IL1RAPL1: variants seen among roughly 807,000 people sequenced by gnomAD.
The protein encoded by IL1RAPL1 is interleukin-1 receptor accessory protein-like 1.
In IL1RAPL1, 3 loss-of-function variants were observed where a neutral mutation model predicts 48.4. That is an observed-to-expected ratio of 0.06 (90% CI 0.03 to 0.16). The LOEUF (loss-of-function observed/expected upper bound fraction) is 0.16, where lower values mean the gene tolerates loss of function less well. Among genes scored for constraint, IL1RAPL1 ranks in the 10% least tolerant of loss-of-function variants. The pLI is 1.00. For synonymous variants in IL1RAPL1, 185 were observed against 187.7 expected (o/e 0.99, Z 0.12); for missense variants, 349 against 530.6 (o/e 0.66, Z 3.36).
At chrX:29,165,686 A>C (rs185658430) in intron 2 of IL1RAPL1, among the ~76,000 whole-genome samples, 72 of 111,847 alleles carry the variant, frequency 6.4e-4, no homozygotes, top group Middle Eastern at 9.2e-3. Flanking sequence ...AAATCTCCCA[A>C]ATCCCTAGGA....
At chrX:28,784,290 A>T (rs1936452220) in intron 1 of IL1RAPL1, among the ~76,000 whole-genome samples, 1 of 112,220 alleles carries the variant, frequency 8.9e-6, no homozygotes, top group African/African-American at 3.2e-5. Context: ...TTTTGATTAG[A>T]GTGAAAAATG....
At position 29,135,923 on chromosome X, in the gene IL1RAPL1, GA is replaced by G. The variant is rs1323561892; in HGVS notation, c.83-147014del. ...GGCTAATTTTTGTATTTTTAGTAGA[GA>G]TGGGGTTTCGCCATGTTGGCCAGGC... On this transcript the variant is annotated intron_variant, in intron 2 of 10. Coordinates refer to ENST00000378993, the MANE Select transcript of IL1RAPL1 (RefSeq NM_014271.4). Among the ~76,000 whole-genome samples, 180 of 110,280 alleles carry G rather than the reference GA, an allele frequency of 1.6e-3. 1 individual carries two copies. Among genetic ancestry groups the G allele is most frequent in the African/African-American group, 5.5e-3 (168 of 30,324 alleles).
chrX:29,303,631 A>G (rs945111962), intron 3 of IL1RAPL1, among the ~76,000 whole-genome samples: 5 of 111,931 alleles, frequency 4.5e-5, no homozygotes, highest in African/African-American at 6.5e-5. Context: ...GAAGCTTTGC[A>G]TATGTTACGT....
At chrX:29,719,080 C>T (rs767602347) in intron 6 of IL1RAPL1, among the ~76,000 whole-genome samples, 1 of 111,632 alleles carries the variant, frequency 9.0e-6, no homozygotes, top group East Asian at 2.8e-4. Context: ...GTGACTTTTC[C>T]GGTTAATAAT....
chrX:29,801,017 A>AC lies in IL1RAPL1; in HGVS notation c.779-116447_779-116446insC, dbSNP rs1206754518. On this transcript the variant is annotated intron_variant, in intron 6 of 10. Transcript: ENST00000378993. ...CTCCGTCTCAAAAAAAAAAAAAAAA[A>AC]AAAAAAAAAAAAAAAAACTCTCCGT... 1.8e-4 allele frequency among the ~76,000 whole-genome samples: 13 copies of AC among 71,319 alleles called. 1 individual carries two copies. Among genetic ancestry groups the AC allele is most frequent in the South Asian group, 8.6e-4 (1 of 1,166 alleles). The allele number at this position is 71,319 out of a possible 115,157, so 61.9% of individuals were successfully genotyped here. A position where few individuals can be genotyped will look rare whatever the true frequency, so the allele number is the denominator to read the frequency against.
At chrX:28,625,737 CGTGTGTGTGTGT>C (rs112613600) in intron 1 of IL1RAPL1, among the ~76,000 whole-genome samples, 1 of 99,292 alleles carries the variant, frequency 1.0e-5, no homozygotes. Context: ...AATCAAAATG[CGTGTGTGTGTGT>C]GTGTGTGTGT....
intron 5 of IL1RAPL1, among the ~76,000 whole-genome samples, chrX:29,554,632 ACT>A (rs1921930731): frequency 9.0e-6 from 1 of 110,902 alleles, no homozygotes; most frequent in Non-Finnish European, 1.9e-5. Flanking sequence ...TTCTTCATTC[ACT>A]CTCTTAGCAT....
intron 2 of IL1RAPL1, among the ~76,000 whole-genome samples, chrX:29,129,547 T>A (rs1490125852): frequency 9.1e-6 from 1 of 109,822 alleles, no homozygotes; most frequent in African/African-American, 3.3e-5. Context: ...TTAACTTTTC[T>A]AAATTAATGT....
chrX:29,902,017 G>A (rs775519888), intron 6 of IL1RAPL1, among the ~76,000 whole-genome samples: 6 of 111,988 alleles, frequency 5.4e-5, no homozygotes, highest in Non-Finnish European at 9.4e-5. Context: ...AGCAAATCAC[G>A]AGGTACTTCT....
intron 6 of IL1RAPL1, among the ~76,000 whole-genome samples, chrX:29,738,450 CT>C (rs59952038): frequency 0.078 from 6,736 of 85,921 alleles, 535 homozygotes; most frequent in African/African-American, 0.25. Flanking sequence ...CTTTTCTTTT[CT>C]TTTTTTTTTT....
chrX:29,273,016 G>A (rs1375220665), intron 2 of IL1RAPL1, among the ~76,000 whole-genome samples: 1 of 111,457 alleles, frequency 9.0e-6, no homozygotes, highest in Non-Finnish European at 1.9e-5. Flanking sequence ...TGTCTATTTT[G>A]CCTTCCAGCT....
chrX:29,640,074 GCT>G (rs934211947), intron 5 of IL1RAPL1, among the ~76,000 whole-genome samples: 2 of 112,023 alleles, frequency 1.8e-5, no homozygotes, highest in Admixed American at 1.9e-4. Flanking sequence ...TTGGTGTCAT[GCT>G]ACAAGATAAC....
At chrX:29,385,618 A>G (rs1321463795) in intron 3 of IL1RAPL1, among the ~76,000 whole-genome samples, 1 of 112,460 alleles carries the variant, frequency 8.9e-6, no homozygotes, top group African/African-American at 3.2e-5. Flanking sequence ...TCCTTTTGTG[A>G]CTGACTGATT....
intron 6 of IL1RAPL1, among the ~76,000 whole-genome samples, chrX:29,872,408 G>A (rs914370670): frequency 4.5e-5 from 5 of 111,781 alleles, no homozygotes; most frequent in Non-Finnish European, 9.4e-5. Context: ...AGCTGAATCA[G>A]ACAATTACTC....
chrX:29,861,870 T>TG (rs1351021474), intron 6 of IL1RAPL1, among the ~76,000 whole-genome samples: 1 of 110,932 alleles, frequency 9.0e-6, no homozygotes, highest in Admixed American at 9.6e-5. Flanking sequence ...TGTTCAGTCT[T>TG]GGTCCAATAA....
intron 2 of IL1RAPL1, among the ~76,000 whole-genome samples, chrX:29,028,593 C>T (rs1264472336): frequency 9.0e-6 from 1 of 111,173 alleles, no homozygotes; most frequent in Non-Finnish European, 1.9e-5. Context: ...GCCTTTGTGC[C>T]CTACTTCTAT....
intron 2 of IL1RAPL1, among the ~76,000 whole-genome samples, chrX:28,853,515 T>A (rs1921726772): frequency 9.1e-6 from 1 of 110,014 alleles, no homozygotes; most frequent in African/African-American, 3.3e-5. Context: ...ACACACACTC[T>A]CACTCATGCT....
intron 2 of IL1RAPL1, among the ~76,000 whole-genome samples, chrX:29,081,707 A>G (rs1569233084): frequency 1.8e-5 from 2 of 111,529 alleles, no homozygotes; most frequent in African/African-American, 6.5e-5. Flanking sequence ...GAGAATGTAC[A>G]AGAGTGCGGC....
At chrX:29,772,882 TC>T (rs2147152222) in intron 6 of IL1RAPL1, among the ~76,000 whole-genome samples, 1 of 111,503 alleles carries the variant, frequency 9.0e-6, no homozygotes, top group South Asian at 3.8e-4. Flanking sequence ...TCCTCAGGAA[TC>T]CCTTTAAAGG....
Sources: gnomAD v4.1 joint callset for allele counts (sites outside exome capture counted in the v4.1 genomes callset) on GRCh38, gnomAD v4.1.1 for gene constraint, MANE v1.5 for transcripts, NCBI Gene and HGNC (gene_info 2026-07-23, HGNC 2026-07-21) for gene names.